EFEMP1: variants seen among roughly 807,000 people sequenced by gnomAD.
The protein encoded by EFEMP1 is EGF-like fibulin extracellular matrix protein 1.
EFEMP1 carries 18 observed loss-of-function variants against 65.7 expected under a neutral mutation model. The observed-to-expected ratio is 0.27, with a 90% CI of 0.19 to 0.41. EFEMP1 has a LOEUF of 0.41. Among genes scored for constraint, EFEMP1 ranks in the 10% least tolerant of loss-of-function variants. The pLI, the probability that EFEMP1 is intolerant of heterozygous loss-of-function variation, is 1.00. For synonymous variants in EFEMP1, 237 were observed against 219.7 expected (o/e 1.08, Z -0.70); for missense variants, 469 against 624.8 (o/e 0.75, Z 2.66).
intron 5 of EFEMP1, among the ~76,000 whole-genome samples, chr2:55,892,361 C>T (rs1669658454): frequency 6.6e-6 from 1 of 152,166 alleles, no homozygotes; most frequent in Non-Finnish European, 1.5e-5. Context: ...TCTCTTCTCC[C>T]CTCTCTAACT....
intron 5 of EFEMP1, among the ~76,000 whole-genome samples, chr2:55,908,852 C>A (rs377038681): frequency 6.6e-6 from 1 of 152,094 alleles, no homozygotes; most frequent in Non-Finnish European, 1.5e-5. Context: ...GTATTTGATA[C>A]AGAAATGCAT....
At chr2:55,868,958 G>A (rs567485806) in intron 11 of EFEMP1, among the ~76,000 whole-genome samples, 117 of 152,032 alleles carry the variant, frequency 7.7e-4, no homozygotes, top group Non-Finnish European at 1.5e-3. Context: ...TGAATTATGT[G>A]ATAAGAAATA....
At chr2:55,906,991 T>A (rs1369031136) in intron 5 of EFEMP1, among the ~76,000 whole-genome samples, 3 of 152,226 alleles carry the variant, frequency 2.0e-5, no homozygotes, top group Non-Finnish European at 4.4e-5. Flanking sequence ...CTTCACTTCT[T>A]TTTTGTCAAC....
rs763290570 is a variant in EFEMP1 at position 55,870,690 on chromosome 2, A to T, written c.1320+30T>A. On this transcript the variant is annotated intron_variant, in intron 11 of 11. Coordinates refer to ENST00000355426, the MANE Select transcript of EFEMP1 (RefSeq NM_001039348.3). This position sits in a 1 kb window ranked among gnomAD's most constrained non-coding sequence, Gnocchi z 5.8. ...ACAACAACAAACTCCCATCTTTCTC[A>T]ATAGTTAAGGCTGCCTTCAGGATAC... The T allele has an allele frequency of 3.1e-6, 5 of 1,611,810 alleles. No homozygotes were observed. In the East Asian group the frequency reaches 1.1e-4, roughly 36 times the overall value.
intron 5 of EFEMP1, among the ~76,000 whole-genome samples, chr2:55,914,930 C>G (rs941315054): frequency 2.0e-5 from 3 of 152,158 alleles, no homozygotes; most frequent in African/African-American, 7.2e-5. Context: ...TTTTGTGCTG[C>G]TGGCCTGGAA....
Position 55,922,949 on chromosome 2 carries a change from A to G in EFEMP1, c.-48-10T>C. On this transcript the variant is annotated splice_polypyrimidine_tract_variant and intron_variant, in intron 1 of 11. Coordinates refer to ENST00000355426, the MANE Select transcript of EFEMP1 (RefSeq NM_001039348.3). The surrounding 1 kb of genome is among the most constrained non-coding windows in gnomAD (Gnocchi z 5.5). ...AGCACAGCAAAAATACCTGTGAGCC[A>G]ATATGAATTGCCTTGGCCTCAAGCT... 9.8e-7 allele frequency: 1 copy of G among 1,018,492 alleles called. No homozygotes were observed. The highest frequency in any genetic ancestry group is 1.2e-6 in the Non-Finnish European group (1 of 848,936). 63.1% of individuals were successfully genotyped at this position (1,018,492 alleles called of 1,614,324 possible). A position where few individuals can be genotyped will look rare whatever the true frequency, so the allele number is the denominator to read the frequency against.
chr2:55,888,156 G>A (rs1448607776), intron 5 of EFEMP1, among the ~76,000 whole-genome samples: 1 of 152,098 alleles, frequency 6.6e-6, no homozygotes, highest in Admixed American at 6.5e-5. Flanking sequence ...AAGAAACAAA[G>A]GCTTTACTTC....
chr2:55,895,794 G>A (rs984315811), intron 5 of EFEMP1, among the ~76,000 whole-genome samples: 1 of 151,854 alleles, frequency 6.6e-6, no homozygotes, highest in Non-Finnish European at 1.5e-5. Flanking sequence ...GCCCGCCTTG[G>A]CCTCCCAAAG....
intron 9 of EFEMP1, 130 bp downstream of exon 9, chr2:55,874,816 G>T: frequency 1.0e-6 from 1 of 958,746 alleles, no homozygotes. Flanking sequence ...GATGAACAGG[G>T]GAAAAAAGAG....
At chr2:55,876,352 C>T (rs1464620305) in intron 8 of EFEMP1, among the ~76,000 whole-genome samples, 1 of 152,154 alleles carries the variant, frequency 6.6e-6, no homozygotes. Flanking sequence ...TACCTGGTCA[C>T]TGGATAACAC....
intron 5 of EFEMP1, among the ~76,000 whole-genome samples, chr2:55,909,380 A>G (rs1053803317): frequency 6.6e-6 from 1 of 152,194 alleles, no homozygotes; most frequent in Non-Finnish European, 1.5e-5. Context: ...TGCTCTGCAA[A>G]GTGGTTCATC....
chr2:55,915,818 GA>G (rs976631724), intron 5 of EFEMP1, among the ~76,000 whole-genome samples: 3 of 151,966 alleles, frequency 2.0e-5, no homozygotes, highest in Non-Finnish European at 4.4e-5. Context: ...ATAAACTCAA[GA>G]TTTTTTTTAT....
At chr2:55,878,777 C>T (rs927727006) in intron 6 of EFEMP1, among the ~76,000 whole-genome samples, 1 of 152,122 alleles carries the variant, frequency 6.6e-6, no homozygotes, top group African/African-American at 2.4e-5. Context: ...TTTGTTCTGG[C>T]AATTACTAGC....
rs1668595524 is a variant in EFEMP1, at chr2:55,866,844, A to G, written c.*229T>C. The G allele has an allele frequency of 1.9e-6, 1 of 517,504 alleles. No homozygotes were observed. Among genetic ancestry groups the G allele is most frequent in the Non-Finnish European group, 3.4e-6 (1 of 292,522 alleles). 32.1% of individuals were successfully genotyped at this position (517,504 alleles called of 1,614,324 possible). A position where few individuals can be genotyped will look rare whatever the true frequency, so the allele number is the denominator to read the frequency against. ...AGTGTATACTTAGCTCTCTTGAAGAAGACCAGTTTAGTGGATTAATGTCTA... is the reference window on the plus strand; with the variant it reads ...AGTGTATACTTAGCTCTCTTGAAGAGGACCAGTTTAGTGGATTAATGTCTA... On this transcript the variant is annotated 3_prime_UTR_variant, in exon 12 of 12. Coordinates refer to ENST00000355426, the MANE Select transcript of EFEMP1 (RefSeq NM_001039348.3).
chr2:55,868,860 C>A (rs1668687740), intron 11 of EFEMP1, among the ~76,000 whole-genome samples: 1 of 152,100 alleles, frequency 6.6e-6, no homozygotes, highest in South Asian at 2.1e-4. Context: ...CCTAACTAAC[C>A]TGCTGTTGAT....
rs1359976257 is a variant in EFEMP1, at chr2:55,885,703, G to C, written c.518-3969C>G. On this transcript the variant is annotated intron_variant, in intron 5 of 11. Transcript: ENST00000355426. The surrounding 1 kb of genome is among the most constrained non-coding windows in gnomAD (Gnocchi z 4.3). ...CTTTAAATAACACAGGCTAATCTTTGCTCAGCTCTTCTAGCCTCTTTATCA... is the reference window on the plus strand; with the variant it reads ...CTTTAAATAACACAGGCTAATCTTTCCTCAGCTCTTCTAGCCTCTTTATCA... Among the ~76,000 whole-genome samples, 1 of 152,052 alleles carries C rather than the reference G, an allele frequency of 6.6e-6. No homozygotes were observed. Among genetic ancestry groups the C allele is most frequent in the African/African-American group, 2.4e-5 (1 of 41,400 alleles).
At chr2:55,918,512 C>G (rs888743728) in intron 3 of EFEMP1, among the ~76,000 whole-genome samples, 1 of 152,012 alleles carries the variant, frequency 6.6e-6, no homozygotes, top group Admixed American at 6.6e-5. Context: ...CTTTTTGGTA[C>G]AGTTGCCCAG....
chr2:55,866,744 G>A lies in EFEMP1; in HGVS notation c.*329C>T. On this transcript the variant is annotated 3_prime_UTR_variant, in exon 12 of 12. Transcript: ENST00000355426. ...GAGACTGTTAGTGGAGCTCTAGTAA[G>A]TTTCCTTAAGCACCACAGAAGATCA... The A allele has an allele frequency of 3.6e-6, 1 of 277,030 alleles. No homozygotes were observed. Among genetic ancestry groups the A allele is most frequent in the Non-Finnish European group, 6.9e-6 (1 of 144,074 alleles). 17.2% of individuals were successfully genotyped at this position (277,030 alleles called of 1,614,324 possible).
At chr2:55,903,707 A>T (rs1398513897) in intron 5 of EFEMP1, among the ~76,000 whole-genome samples, 2 of 152,118 alleles carry the variant, frequency 1.3e-5, no homozygotes, top group African/African-American at 4.8e-5. Flanking sequence ...CAGCAAAACC[A>T]ATTTATTAGG....
Sources: gnomAD v4.1 joint callset for allele counts (sites outside exome capture counted in the v4.1 genomes callset) on GRCh38, gnomAD v4.1.1 for gene constraint, Gnocchi (gnomAD v3.1) non-coding constraint, MANE v1.5 for transcripts, NCBI Gene and HGNC (gene_info 2026-07-23, HGNC 2026-07-21) for gene names.